Variants in SLC24A4 observed in about 807,000 individuals in gnomAD.
SLC24A4 encodes solute carrier family 24 member 4.
Under a neutral mutation model 79.0 loss-of-function variants are expected in SLC24A4, and 53 were observed. The observed-to-expected ratio is 0.67, with a 90% CI of 0.54 to 0.84. The LOEUF (loss-of-function observed/expected upper bound fraction) is 0.84, where lower values mean the gene tolerates loss of function less well. Among genes scored for constraint, SLC24A4 ranks in the 40% least tolerant of loss-of-function variants. SLC24A4 has a pLI of 0.00. For synonymous variants in SLC24A4, 323 were observed against 323.8 expected (o/e 1.00, Z 0.03); for missense variants, 731 against 822.0 (o/e 0.89, Z 1.35).
At chr14:92,481,339 G>A (rs534745124) in intron 12 of SLC24A4, among the ~76,000 whole-genome samples, 54 of 152,278 alleles carry the variant, frequency 3.5e-4, no homozygotes, top group African/African-American at 1.3e-3. Context: ...GTTTGTCCCA[G>A]CTGTCATCTG....
At chr14:92,345,784 G>A (rs1225412930) in intron 2 of SLC24A4, among the ~76,000 whole-genome samples, 1 of 152,202 alleles carries the variant, frequency 6.6e-6, no homozygotes, top group Non-Finnish European at 1.5e-5. Context: ...AAAGGGGGAT[G>A]TTCATAGGGC....
intron 2 of SLC24A4, among the ~76,000 whole-genome samples, chr14:92,393,836 C>A (rs1889624473): frequency 6.6e-6 from 1 of 151,646 alleles, no homozygotes; most frequent in Non-Finnish European, 1.5e-5. Flanking sequence ...CCTGGTGAAA[C>A]CCTGTCTCTA....
chr14:92,482,225 A>C (rs12880521), intron 12 of SLC24A4, among the ~76,000 whole-genome samples: 62,094 of 152,214 alleles, frequency 0.41, 13,297 homozygotes, highest in Non-Finnish European at 0.48. Context: ...CTGTGCCTGC[A>C]GCACATGGCA....
chr14:92,476,026 C>T (rs1404093693), intron 12 of SLC24A4, among the ~76,000 whole-genome samples: 1 of 152,164 alleles, frequency 6.6e-6, no homozygotes, highest in Non-Finnish European at 1.5e-5. Flanking sequence ...GATGTTGAAA[C>T]CGGATGCAAA....
At chr14:92,486,220 C>T (rs1895348299) in intron 13 of SLC24A4, among the ~76,000 whole-genome samples, 1 of 152,204 alleles carries the variant, frequency 6.6e-6, no homozygotes, top group Non-Finnish European at 1.5e-5. Flanking sequence ...CCCCAGAACA[C>T]TTGTGCAGTT....
chr14:92,326,295 T>C lies in SLC24A4; in HGVS notation c.241+317T>C, dbSNP rs118164045. Among the ~76,000 whole-genome samples, 5,271 of 152,286 alleles carry C rather than the reference T, an allele frequency of 0.035. 108 individuals carry two copies. Among genetic ancestry groups the C allele is most frequent in the Non-Finnish European group, 0.05 (3,418 of 68,024 alleles). On this transcript the variant is annotated intron_variant, in intron 2 of 16. Coordinates refer to ENST00000532405, the MANE Select transcript of SLC24A4 (RefSeq NM_153646.4). ...TTGATGTTTGCGGCTCGGGGTGTCTTTGTTTTCTTCCCTTTTGCTCACTGT... is the reference window on the plus strand; with the variant it reads ...TTGATGTTTGCGGCTCGGGGTGTCTCTGTTTTCTTCCCTTTTGCTCACTGT...
intron 12 of SLC24A4, among the ~76,000 whole-genome samples, chr14:92,458,299 G>A (rs1893599070): frequency 6.6e-6 from 1 of 152,218 alleles, no homozygotes; most frequent in Non-Finnish European, 1.5e-5. Flanking sequence ...GGGTCACAGA[G>A]GAGCCCAGCC....
At chr14:92,434,029 A>G (rs780733003) in intron 3 of SLC24A4, 41 bp downstream of exon 3, 1 of 1,503,700 alleles carries the variant, frequency 6.7e-7, no homozygotes, top group Non-Finnish European at 9.3e-7. Flanking sequence ...CTTCTGGCAC[A>G]TGAAGCCTCT....
chr14:92,367,396 G>A (rs72695106), intron 2 of SLC24A4, among the ~76,000 whole-genome samples: 10,519 of 152,296 alleles, frequency 0.069, 462 homozygotes, highest in Admixed American at 0.093. Context: ...GGGAGGCCAG[G>A]GTTGCCTGGT....
chr14:92,486,701 T>G lies in SLC24A4; in HGVS notation c.1458T>G (p.Asp486Glu). The G allele has an allele frequency of 6.2e-7, 1 of 1,614,128 alleles. No individual in the cohort carries two copies. Among genetic ancestry groups the G allele is most frequent in the Non-Finnish European group, 8.5e-7 (1 of 1,179,966 alleles). ...TIIGYTLGIPDVIMGITFLAA... is the reference protein window; with the variant it reads ...TIIGYTLGIPEVIMGITFLAA... ...TCGGATACACACTTGGGATCCCGGA[T>G]GTCATCATGGGCATTACTTTCCTGG... Residue 486 changes from aspartate (D) to glutamate (E), a missense_variant, in exon 14 of 17, where the codon GAT becomes GAG. Coordinates refer to ENST00000532405, the MANE Select transcript of SLC24A4 (RefSeq NM_153646.4).
intron 2 of SLC24A4, among the ~76,000 whole-genome samples, chr14:92,404,464 C>T (rs1890269633): frequency 6.6e-6 from 1 of 152,210 alleles, no homozygotes; most frequent in African/African-American, 2.4e-5. Flanking sequence ...CCCCCAGTCC[C>T]CATCCATCAC....
chr14:92,429,227 G>A (rs1343236068), intron 2 of SLC24A4, among the ~76,000 whole-genome samples: 4 of 152,086 alleles, frequency 2.6e-5, no homozygotes, highest in Admixed American at 2.6e-4. Context: ...AGGGAGGGGT[G>A]ATTACAAAAA....
At chr14:92,396,618 C>T (rs1336800107) in intron 2 of SLC24A4, among the ~76,000 whole-genome samples, 2 of 152,238 alleles carry the variant, frequency 1.3e-5, no homozygotes, top group East Asian at 3.8e-4. Context: ...TATTTCAAAA[C>T]ACACCTGCTG....
chr14:92,477,518 A>G (rs375435954), intron 12 of SLC24A4, among the ~76,000 whole-genome samples: 1 of 152,070 alleles, frequency 6.6e-6, no homozygotes, highest in African/African-American at 2.4e-5. Context: ...GCCCAGTGCA[A>G]TGGCAATCAT....
intron 2 of SLC24A4, among the ~76,000 whole-genome samples, chr14:92,382,130 A>G (rs1458872538): frequency 6.6e-6 from 1 of 152,114 alleles, no homozygotes; most frequent in Non-Finnish European, 1.5e-5. Context: ...ACATAAATCT[A>G]TACATAAGTG....
chr14:92,442,009 G>C lies in SLC24A4; in HGVS notation c.394-80G>C, dbSNP rs924911888. 13 of 1,131,276 alleles carry C rather than the reference G, an allele frequency of 1.1e-5. No homozygotes were observed. The East Asian group carries it at 1.5e-4, about 13-fold the overall frequency. The allele number at this position is 1,131,276 out of a possible 1,614,324, so 70.1% of individuals were successfully genotyped here. ...TGGCTGCAGCACTGCTCTCCTGCAT[G>C]CTCCTTGGCTGTAGAGCGTCCAGTG... On this transcript the variant is annotated intron_variant, in intron 4 of 16. Transcript: ENST00000532405.
chr14:92,422,163 C>G (rs10142321), intron 2 of SLC24A4, among the ~76,000 whole-genome samples: 62,859 of 152,124 alleles, frequency 0.41, 13,237 homozygotes, highest in Non-Finnish European at 0.44. Context: ...GATGTATTTT[C>G]AGAATCTAGA....
At chr14:92,414,559 G>A (rs1326809011) in intron 2 of SLC24A4, among the ~76,000 whole-genome samples, 1 of 152,120 alleles carries the variant, frequency 6.6e-6, no homozygotes, top group Non-Finnish European at 1.5e-5. Flanking sequence ...GACACAGTGA[G>A]ACCCCAGCTC....
chr14:92,473,430 A>G (rs1215596269), intron 12 of SLC24A4, among the ~76,000 whole-genome samples: 1 of 152,236 alleles, frequency 6.6e-6, no homozygotes. Flanking sequence ...AGGAGATTGC[A>G]TGATGAGCTC....
Sources: allele counts gnomAD v4.1 joint callset (sites outside exome capture counted in the v4.1 genomes callset), GRCh38; gene constraint gnomAD v4.1.1; transcripts MANE v1.5; gene names NCBI Gene and HGNC (gene_info 2026-07-23, HGNC 2026-07-21).